Variants in VPS13B observed in about 807,000 individuals in gnomAD.
The protein encoded by VPS13B is intermembrane lipid transfer protein VPS13B.
Under a neutral mutation model 426.4 loss-of-function variants are expected in VPS13B, and 285 were observed. The ratio of observed to expected loss-of-function variants is 0.67; its 90% CI spans 0.61 to 0.74. The LOEUF (loss-of-function observed/expected upper bound fraction) is 0.74. Among genes scored for constraint, VPS13B ranks in the 30% least tolerant of loss-of-function variants. The pLI is 0.00. For missense variants in VPS13B, 4,537 were observed against 4,782.6 expected (o/e 0.95, Z 1.51); for synonymous variants, 1,676 against 1,676.4 (o/e 1.00, Z 0.01).
chr8:99,250,967 A>C (rs1817476474), intron 17 of VPS13B, among the ~76,000 whole-genome samples: 1 of 151,776 alleles, frequency 6.6e-6, no homozygotes, highest in Admixed American at 6.6e-5. Context: ...ACATATATTC[A>C]TTGAGAAATT....
chr8:99,375,445 GA>G (rs1307752142), intron 19 of VPS13B, among the ~76,000 whole-genome samples: 2 of 152,088 alleles, frequency 1.3e-5, no homozygotes, highest in Non-Finnish European at 2.9e-5. Context: ...TACATCCTAC[GA>G]GAAGAGGAAG....
At chr8:99,647,815 G>A (rs1452305747) in intron 34 of VPS13B, among the ~76,000 whole-genome samples, 4 of 152,064 alleles carry the variant, frequency 2.6e-5, no homozygotes, top group Non-Finnish European at 5.9e-5. Context: ...TCGATCATGG[G>A]CATTATTCAT....
intron 22 of VPS13B, among the ~76,000 whole-genome samples, chr8:99,436,666 C>T (rs541294315): frequency 5.9e-5 from 9 of 152,240 alleles, no homozygotes; most frequent in African/African-American, 2.2e-4. Context: ...ATCATCAACA[C>T]TTTAAAAGAT....
chr8:99,524,927 A>G (rs1286737230), intron 30 of VPS13B, among the ~76,000 whole-genome samples: 1 of 152,248 alleles, frequency 6.6e-6, no homozygotes, highest in Non-Finnish European at 1.5e-5. Context: ...CTAGAATTGT[A>G]TACGCAGTGA....
At chr8:99,540,372 G>A (rs1011839057) in intron 30 of VPS13B, among the ~76,000 whole-genome samples, 5 of 151,676 alleles carry the variant, frequency 3.3e-5, no homozygotes, top group East Asian at 3.9e-4. Context: ...GAGCTACTGC[G>A]CCCGGCCTAA....
intron 57 of VPS13B, 147 bp downstream of exon 57, chr8:99,859,627 A>C: frequency 9.4e-7 from 1 of 1,058,464 alleles, no homozygotes; most frequent in Non-Finnish European, 1.4e-6. Flanking sequence ...GGTTTGTAAC[A>C]AAGCTCATAT....
chr8:99,228,127 A>C (rs1399456446), intron 17 of VPS13B, among the ~76,000 whole-genome samples: 1 of 152,194 alleles, frequency 6.6e-6, no homozygotes, highest in Non-Finnish European at 1.5e-5. Flanking sequence ...AACATACTGA[A>C]TTTAAAAAAA....
intron 17 of VPS13B, among the ~76,000 whole-genome samples, chr8:99,261,119 C>T (rs138088026): frequency 2.6e-5 from 4 of 152,168 alleles, no homozygotes; most frequent in African/African-American, 9.6e-5. Flanking sequence ...TGAACCTACA[C>T]TGATGTGTCA....
intron 17 of VPS13B, among the ~76,000 whole-genome samples, chr8:99,219,010 C>T (rs755545867): frequency 1.8e-4 from 28 of 152,156 alleles, no homozygotes; most frequent in Non-Finnish European, 3.5e-4. Flanking sequence ...TTCCAGTTGA[C>T]CTCATCCTGG....
intron 2 of VPS13B, among the ~76,000 whole-genome samples, chr8:99,028,424 G>T (rs1587932803): frequency 6.9e-6 from 1 of 144,130 alleles, no homozygotes. Flanking sequence ...GGACGGGGCG[G>T]CTGGCGGGGC....
At chr8:99,839,368 A>T (rs188727490) in intron 54 of VPS13B, among the ~76,000 whole-genome samples, 8 of 152,290 alleles carry the variant, frequency 5.3e-5, no homozygotes, top group African/African-American at 1.2e-4. Context: ...TCATTTGTTC[A>T]AACTTTTACT....
chr8:99,604,333 T>G (rs776380234), intron 33 of VPS13B, among the ~76,000 whole-genome samples: 8 of 152,138 alleles, frequency 5.3e-5, no homozygotes, highest in Non-Finnish European at 1.0e-4. Flanking sequence ...TACATTATTA[T>G]TAATTGCAGT....
At chr8:99,796,679 G>T (rs1812837915) in intron 43 of VPS13B, 1 of 152,248 alleles carries the variant, frequency 6.6e-6, no homozygotes, top group African/African-American at 2.4e-5. Flanking sequence ...CACTCAAAAG[G>T]TTCTTCTGTG....
chr8:99,586,039 T>C (rs1368809923), intron 33 of VPS13B, among the ~76,000 whole-genome samples: 1 of 152,176 alleles, frequency 6.6e-6, no homozygotes, highest in Non-Finnish European at 1.5e-5. Flanking sequence ...TCTGTGAGCC[T>C]TCTTGCACTC....
Position 99,542,898 on chromosome 8 carries a change from A to T in VPS13B, c.4746-13552A>T, listed in dbSNP as rs137883459. On this transcript the variant is annotated intron_variant, in intron 30 of 61. Transcript: ENST00000357162. Reference sequence around the variant, plus strand: ...ATTTAAAACTTGTCTGGTACTTTGTAAGTATTCAGTGCCATCCCAATCAAG... The same window carrying T: ...ATTTAAAACTTGTCTGGTACTTTGTTAGTATTCAGTGCCATCCCAATCAAG... Among the ~76,000 whole-genome samples, 551 of 152,282 alleles carry T rather than the reference A, an allele frequency of 3.6e-3. 4 individuals are homozygous for T. Among genetic ancestry groups the T allele is most frequent in the South Asian group, 0.013 (62 of 4,828 alleles).
At chr8:99,649,046 T>A (rs2133943447) in intron 34 of VPS13B, among the ~76,000 whole-genome samples, 1 of 152,290 alleles carries the variant, frequency 6.6e-6, no homozygotes, top group South Asian at 2.1e-4. Flanking sequence ...TATTTCATGT[T>A]CTTCTGTCCC....
chr8:99,206,856 T>C (rs1237179798), intron 17 of VPS13B, among the ~76,000 whole-genome samples: 1 of 151,464 alleles, frequency 6.6e-6, no homozygotes, highest in East Asian at 1.9e-4. Flanking sequence ...AACACCATCA[T>C]GTCTGCTAAA....
intron 39 of VPS13B, among the ~76,000 whole-genome samples, chr8:99,746,157 T>C (rs1563896482): frequency 6.6e-6 from 1 of 152,116 alleles, no homozygotes; most frequent in Non-Finnish European, 1.5e-5. Context: ...AACATGTTTA[T>C]CTATTCCCCC....
chr8:99,394,397 T>A (rs2133319569), intron 21 of VPS13B, among the ~76,000 whole-genome samples: 1 of 152,298 alleles, frequency 6.6e-6, no homozygotes, highest in Admixed American at 6.5e-5. Flanking sequence ...TCTTCCAAAC[T>A]CAGCCAATGT....
Sources: gnomAD v4.1 joint callset for allele counts (sites outside exome capture counted in the v4.1 genomes callset) on GRCh38, gnomAD v4.1.1 for gene constraint, MANE v1.5 for transcripts, NCBI Gene and HGNC (gene_info 2026-07-23, HGNC 2026-07-21) for gene names.